The following PRRC2C variants were observed in gnomAD, a reference collection of about 807,000 sequenced individuals.
PRRC2C encodes protein PRRC2C.
A neutral mutation model predicts 317.2 loss-of-function variants in PRRC2C; 72 were observed. The ratio of observed to expected loss-of-function variants is 0.23; its 90% CI spans 0.19 to 0.28. The LOEUF (loss-of-function observed/expected upper bound fraction) is 0.28. Among genes scored for constraint, PRRC2C ranks in the 10% least tolerant of loss-of-function variants. The pLI is 1.00. For synonymous variants in PRRC2C, 1,296 were observed against 1,205.9 expected, an observed-to-expected ratio of 1.07 and a Z score of -1.55; for missense variants, 3,074 against 3,459.7, an observed-to-expected ratio of 0.89 and a Z score of 2.80.
intron 23 of PRRC2C, among the ~76,000 whole-genome samples, chr1:171,570,282 G>C (rs1687062): frequency 0.8 from 120,745 of 151,840 alleles, 48,163 homozygotes; most frequent in Middle Eastern, 0.88. Flanking sequence ...GTTCCATTTT[G>C]CACATAGAAC....
chr1:171,541,925 A>T lies in PRRC2C; in HGVS notation c.4459A>T (p.Asn1487Tyr). 1 of 1,613,902 alleles carries T rather than the reference A, an allele frequency of 6.2e-7. No homozygotes were observed. The highest frequency in any genetic ancestry group is 8.5e-7 in the Non-Finnish European group (1 of 1,179,822). Reference sequence around the variant, plus strand: ...CGGGAATAAGACACCAGATTTATCTAATCAGAACTCTTCAGATCAGGCAAA... The same window carrying T: ...CGGGAATAAGACACCAGATTTATCTTATCAGAACTCTTCAGATCAGGCAAA... ...ISGNKTPDLS[N>Y]QNSSDQANEE... The change falls in exon 16 of 35, where the codon AAT becomes TAT. Residue 1487 changes from asparagine to tyrosine, a missense_variant. Physicochemically the swap from Asn to Tyr is moderately radical, Grantham distance 143. Around this residue, in one of 11 missense-constraint regions of PRRC2C, gnomAD observed 1,320 missense variants for 1,395.7 expected, o/e 0.95. Coordinates refer to ENST00000647382, the MANE Select transcript of PRRC2C (RefSeq NM_001387844.1). This position sits in a 1 kb window ranked among gnomAD's most constrained non-coding sequence, Gnocchi z 4.1.
intron 1 of PRRC2C, among the ~76,000 whole-genome samples, chr1:171,488,726 C>G (rs1666576414): frequency 1.3e-5 from 2 of 152,130 alleles, no homozygotes; most frequent in South Asian, 4.1e-4. Context: ...TCCAGTCAAA[C>G]AAGGACTGTT....
rs547316818 is a variant in PRRC2C, at chr1:171,550,138, G to A, written c.5025G>A (p.Gln1675=). The change falls in exon 18 of 35, where the codon CAG becomes CAA. Residue 1675 remains glutamine, a synonymous_variant. Transcript: ENST00000647382. The part of the protein sequence containing the change: ...HPEVTVIEDP[Q]SNLNDDGFTE... ...AAGTAACAGTAATTGAAGATCCCCA[G>A]TCAAATTTGAATGATGATGGTTTTA... The A allele has an allele frequency of 7.5e-6, 12 of 1,608,396 alleles. No homozygotes were observed. The highest frequency in any genetic ancestry group is 5.4e-5 in the African/African-American group (4 of 74,764).
At chr1:171,550,295 T>G in intron 18 of PRRC2C, 55 bp downstream of exon 18, 1 of 1,448,290 alleles carries the variant, frequency 6.9e-7, no homozygotes, top group Non-Finnish European at 9.3e-7. Context: ...GCCCAAAGTG[T>G]ATCAGCAAAT....
At chr1:171,555,262 G>A (rs986316506) in intron 18 of PRRC2C, among the ~76,000 whole-genome samples, 47 of 152,274 alleles carry the variant, frequency 3.1e-4, no homozygotes, top group African/African-American at 1.1e-3. Context: ...ATCGGCTACT[G>A]AAGCTTGGGC....
intron 6 of PRRC2C, among the ~76,000 whole-genome samples, chr1:171,521,888 T>C (rs1673648751): frequency 6.6e-6 from 1 of 152,212 alleles, no homozygotes; most frequent in Non-Finnish European, 1.5e-5. Flanking sequence ...TACTTTAATG[T>C]GTACATATCT....
At chr1:171,526,805 C>CTTTTTTTGTT (rs1674654583) in intron 10 of PRRC2C, among the ~76,000 whole-genome samples, 1 of 90,208 alleles carries the variant, frequency 1.1e-5, no homozygotes, top group African/African-American at 4.6e-5. Flanking sequence ...AGAAATATAT[C>CTTTTTTTGTT]TTTTTTTTTT....
chr1:171,541,838 C>A lies in PRRC2C; in HGVS notation c.4372C>A (p.Pro1458Thr), dbSNP rs753465895. ...ASKSNEVVAV[P>T]TNGTVNNVAQ... Reference sequence around the variant, plus strand: ...AAAATCAAATGAGGTGGTAGCAGTGCCCACAAATGGCACAGTTAATAATGT... The same window carrying A: ...AAAATCAAATGAGGTGGTAGCAGTGACCACAAATGGCACAGTTAATAATGT... The change falls in exon 16 of 35, where the codon CCC (proline) becomes ACC (threonine). Residue 1458 changes from proline (P) to threonine (T), a missense_variant. Physicochemically the swap from Pro to Thr is conservative, Grantham distance 38. Transcript: ENST00000647382. The surrounding 1 kb of genome is among the most constrained non-coding windows in gnomAD (Gnocchi z 4.1). 6.2e-7 allele frequency: 1 copy of A among 1,613,668 alleles called. No homozygotes were observed. The highest frequency in any genetic ancestry group is 8.5e-7 in the Non-Finnish European group (1 of 1,179,884).
At chr1:171,505,527 C>CT (rs1244205073) in intron 1 of PRRC2C, among the ~76,000 whole-genome samples, 1 of 151,774 alleles carries the variant, frequency 6.6e-6, no homozygotes, top group Non-Finnish European at 1.5e-5. Flanking sequence ...GACAATTTTA[C>CT]TTTATCCCTT....
At position 171,591,886 on chromosome 1, in the gene PRRC2C, G is replaced by GCCCCCCCCC; in HGVS notation, c.*39_*40insCCCCCCCCC. 1.1e-5 allele frequency: 5 copies of GCCCCCCCCC among 475,600 alleles called. No homozygotes were observed. The highest frequency in any genetic ancestry group is 8.4e-4 in the Middle Eastern group (1 of 1,190). 29.5% of individuals were successfully genotyped at this position (475,600 alleles called of 1,614,324 possible). ...TTGCAGGGGATTGGGAGGGGGGCGG[G>GCCCCCCCCC]AAAACATGGAGAATTAAGTCAGATA... On this transcript the variant is annotated 3_prime_UTR_variant, in exon 35 of 35. Transcript: ENST00000647382.
intron 11 of PRRC2C, among the ~76,000 whole-genome samples, chr1:171,530,188 A>C (rs917070774): frequency 6.0e-5 from 9 of 150,684 alleles, no homozygotes; most frequent in African/African-American, 1.5e-4. Flanking sequence ...GAATGCAAAG[A>C]TATGTTACAG....
At chr1:171,578,094 C>T (rs565070207) in intron 26 of PRRC2C, among the ~76,000 whole-genome samples, 44 of 151,606 alleles carry the variant, frequency 2.9e-4, no homozygotes, top group African/African-American at 1.0e-3. Flanking sequence ...CCTCACCCAG[C>T]CTAAATTGGC....
At position 171,557,343 on chromosome 1, in the gene PRRC2C, C is replaced by G. The variant is rs761805388; in HGVS notation, c.5231C>G (p.Ser1744Cys). 10 of 1,551,990 alleles carry G rather than the reference C, an allele frequency of 6.4e-6. No homozygotes were observed. The South Asian group carries it at 1.2e-4, about 18-fold the overall frequency. The change falls in exon 19 of 35, where the codon TCT (serine) becomes TGT (cysteine). Residue 1744 changes from serine to cysteine, a missense_variant. By Grantham distance (112) the Ser-to-Cys change is moderately radical (BLOSUM62 -1). Around this residue, in one of 11 missense-constraint regions of PRRC2C, gnomAD observed 640 missense variants for 676.1 expected, o/e 0.95. Transcript: ENST00000647382. Reference sequence around the variant, plus strand: ...GCTACAGGGATCCAGCAAGCACAGTCTTCAGCCTCAGTTCCACCTCTAGCT... The same window carrying G: ...GCTACAGGGATCCAGCAAGCACAGTGTTCAGCCTCAGTTCCACCTCTAGCT... ...KQATGIQQAQ[S>C]SASVPPLASA... is the part of the protein sequence containing the mutation.
chr1:171,542,641 TAG>T (rs1264255089), intron 16 of PRRC2C, among the ~76,000 whole-genome samples: 1 of 152,186 alleles, frequency 6.6e-6, no homozygotes, highest in Non-Finnish European at 1.5e-5. Context: ...TTTGTCACTC[TAG>T]AGAGAGGCCC....
chr1:171,538,299 T>C (rs1677249833), intron 15 of PRRC2C, among the ~76,000 whole-genome samples: 1 of 152,044 alleles, frequency 6.6e-6, no homozygotes, highest in East Asian at 1.9e-4. Context: ...TATTGTAGAG[T>C]AGGTGTGAAG....
At chr1:171,559,142 TCACATTAAAGTGCAAGGCA>T in intron 19 of PRRC2C, among the ~76,000 whole-genome samples, 1 of 152,308 alleles carries the variant, frequency 6.6e-6, no homozygotes, top group South Asian at 2.1e-4. Flanking sequence ...ACCACCTCTA[TCACATTAAAGTGCAAGGCA>T]AAGCAGCAAG....
intron 18 of PRRC2C, among the ~76,000 whole-genome samples, chr1:171,553,227 A>C (rs1321439310): frequency 6.6e-6 from 1 of 152,166 alleles, no homozygotes; most frequent in African/African-American, 2.4e-5. Flanking sequence ...CATTTCTTCT[A>C]GATTTTCCAG....
At chr1:171,586,267 T>A (rs985195075) in intron 30 of PRRC2C, among the ~76,000 whole-genome samples, 12 of 150,564 alleles carry the variant, frequency 8.0e-5, no homozygotes, top group Middle Eastern at 3.4e-3. Context: ...TTATTTTTTT[T>A]TTTAGTAGAG....
intron 24 of PRRC2C, among the ~76,000 whole-genome samples, chr1:171,573,617 T>C (rs1341873287): frequency 6.6e-6 from 1 of 151,438 alleles, no homozygotes; most frequent in Admixed American, 6.6e-5. Flanking sequence ...GGTTAAATTA[T>C]GAATAGTGTG....
Sources: gnomAD v4.1 joint callset for allele counts (sites outside exome capture counted in the v4.1 genomes callset) on GRCh38, gnomAD v4.1.1 for gene constraint, gnomAD v4.1.1 regional missense constraint, Gnocchi (gnomAD v3.1) non-coding constraint, MANE v1.5 for transcripts, NCBI Gene and HGNC (gene_info 2026-07-23, HGNC 2026-07-21) for gene names.